CDH19: variants seen among roughly 807,000 people sequenced by gnomAD.
The protein encoded by CDH19 is cadherin-19.
CDH19 carries 67 observed loss-of-function variants against 64.2 expected under a neutral mutation model. That is an observed-to-expected ratio of 1.04 (90% CI 0.86 to 1.28). The LOEUF (loss-of-function observed/expected upper bound fraction) is 1.28. Among genes scored for constraint, CDH19 ranks in the 50% most tolerant of loss-of-function variants. CDH19 has a pLI of 0.00. For synonymous variants in CDH19, 346 were observed against 319.3 expected, an observed-to-expected ratio of 1.08 and a Z score of -0.89; for missense variants, 1,030 against 929.0, an observed-to-expected ratio of 1.11 and a Z score of -1.41.
chr18:66,561,439 T>C (rs1400748896), intron 3 of CDH19, among the ~76,000 whole-genome samples: 1 of 152,102 alleles, frequency 6.6e-6, no homozygotes, highest in African/African-American at 2.4e-5. Flanking sequence ...GTATATTGAA[T>C]TGCCACAGCC....
intron 3 of CDH19, among the ~76,000 whole-genome samples, chr18:66,556,614 A>G (rs1987530133): frequency 6.6e-6 from 1 of 151,856 alleles, no homozygotes; most frequent in South Asian, 2.1e-4. Flanking sequence ...CTTTGATGAG[A>G]CTTAATAATA....
At chr18:66,533,206 GATTT>G (rs762146451) in intron 8 of CDH19, among the ~76,000 whole-genome samples, 4 of 113,944 alleles carry the variant, frequency 3.5e-5, no homozygotes, top group Non-Finnish European at 5.4e-5. Context: ...AAATTTCTAG[GATTT>G]ATTACACACA....
At chr18:66,557,669 C>A (rs987424359) in intron 3 of CDH19, among the ~76,000 whole-genome samples, 1 of 151,832 alleles carries the variant, frequency 6.6e-6, no homozygotes, top group Non-Finnish European at 1.5e-5. Context: ...GAAATGCTTA[C>A]TTTTTGGTAA....
chr18:66,536,122 A>G (rs1029242095), intron 7 of CDH19, among the ~76,000 whole-genome samples: 1 of 151,276 alleles, frequency 6.6e-6, no homozygotes, highest in Admixed American at 6.6e-5. Flanking sequence ...AACAATTAAT[A>G]ATAAAAATTA....
chr18:66,541,198 T>C (rs910968753), intron 7 of CDH19, among the ~76,000 whole-genome samples: 1 of 152,110 alleles, frequency 6.6e-6, no homozygotes, highest in East Asian at 1.9e-4. Context: ...GGAATTTCCA[T>C]GCTTTACAGA....
intron 11 of CDH19, among the ~76,000 whole-genome samples, chr18:66,507,378 G>A (rs1210651979): frequency 6.6e-6 from 1 of 151,886 alleles, no homozygotes; most frequent in African/African-American, 2.4e-5. Context: ...GCCAGTTTGA[G>A]TGGTCAGTTT....
intron 9 of CDH19, among the ~76,000 whole-genome samples, chr18:66,514,088 C>T (rs1389568394): frequency 6.6e-6 from 1 of 151,350 alleles, no homozygotes; most frequent in Non-Finnish European, 1.5e-5. Context: ...TATTATTGTT[C>T]CCATGTTATA....
intron 1 of CDH19, among the ~76,000 whole-genome samples, chr18:66,588,122 C>A (rs1988629823): frequency 6.6e-6 from 1 of 152,106 alleles, no homozygotes; most frequent in African/African-American, 2.4e-5. Flanking sequence ...TTATCTGGAT[C>A]CTCCAGTCAC....
chr18:66,533,232 AC>A (rs1284161516), intron 8 of CDH19, among the ~76,000 whole-genome samples: 2 of 151,888 alleles, frequency 1.3e-5, no homozygotes, highest in Non-Finnish European at 2.9e-5. Flanking sequence ...ACACACACAC[AC>A]ACACACATCC....
intron 4 of CDH19, among the ~76,000 whole-genome samples, chr18:66,552,564 G>A (rs1987384339): frequency 1.0e-5 from 1 of 98,178 alleles, no homozygotes; most frequent in South Asian, 3.3e-4. Context: ...TCAGGGGAGA[G>A]GGACCTAGGA....
At chr18:66,570,625 G>T (rs1378336718) in intron 2 of CDH19, among the ~76,000 whole-genome samples, 2 of 151,582 alleles carry the variant, frequency 1.3e-5, no homozygotes, top group Non-Finnish European at 3.0e-5. Flanking sequence ...ATTCATTATT[G>T]TTCTTTTTGA....
At position 66,504,000 on chromosome 18, in the gene CDH19, C is replaced by G. The variant is rs553118509; in HGVS notation, c.*812G>C. On this transcript the variant is annotated 3_prime_UTR_variant, in exon 12 of 12. Coordinates refer to ENST00000262150, the MANE Select transcript of CDH19 (RefSeq NM_021153.4). ...TAACCACAAAAACATTTTATTCTTA[C>G]AGTGTGAAAGATGAAAATTGAGTAA... 6.6e-6 allele frequency: 1 copy of G among 152,022 alleles called. No individual in the cohort carries two copies. The highest frequency in any genetic ancestry group is 1.9e-4 in the East Asian group (1 of 5,158). The allele number at this position is 152,022 out of a possible 1,614,324, so 9.4% of individuals were successfully genotyped here.
At chr18:66,561,596 T>A (rs904907388) in intron 3 of CDH19, among the ~76,000 whole-genome samples, 18 of 152,086 alleles carry the variant, frequency 1.2e-4, no homozygotes, top group Non-Finnish European at 2.1e-4. Flanking sequence ...AAAATGCTTT[T>A]TGGGGGACCG....
Position 66,505,267 on chromosome 18 carries a change from T to C in CDH19, c.1864A>G (p.Arg622Gly), listed in dbSNP as rs775763894. 6.3e-7 allele frequency: 1 copy of C among 1,580,580 alleles called. No homozygotes were observed. The highest frequency in any genetic ancestry group is 8.6e-7 in the Non-Finnish European group (1 of 1,168,768). Residue 622 changes from arginine (R) to glycine (G), a missense_variant, in exon 12 of 12, where the codon AGA (arginine) becomes GGA (glycine). Arg to Gly is a moderately radical substitution (Grantham distance 125, BLOSUM62 -2). Transcript: ENST00000262150. ...IFLTLGLKQR[R>G]KQILFPEKSE... ...TTCTCAGGAAATAGAATCTGTTTTC[T>C]CCGTTGTTTTAAACCCAAAGTCAAA...
chr18:66,576,761 T>A (rs1437156323), intron 1 of CDH19, among the ~76,000 whole-genome samples: 2 of 151,490 alleles, frequency 1.3e-5, no homozygotes, highest in African/African-American at 2.4e-5. Flanking sequence ...AGCATCTAGA[T>A]TAAAAAGATA....
At chr18:66,519,287 T>C (rs1325427387) in intron 9 of CDH19, among the ~76,000 whole-genome samples, 3 of 152,194 alleles carry the variant, frequency 2.0e-5, no homozygotes, top group Non-Finnish European at 2.9e-5. Flanking sequence ...ATTGTCACTG[T>C]TAATATTAAC....
chr18:66,509,493 A>T (rs1985366810), intron 10 of CDH19, among the ~76,000 whole-genome samples: 1 of 151,812 alleles, frequency 6.6e-6, no homozygotes, highest in Non-Finnish European at 1.5e-5. Flanking sequence ...TTACTATTTA[A>T]TATTATTAAA....
intron 1 of CDH19, among the ~76,000 whole-genome samples, chr18:66,578,446 A>G (rs1029082214): frequency 6.6e-6 from 1 of 151,934 alleles, no homozygotes; most frequent in African/African-American, 2.4e-5. Flanking sequence ...CTCTTACTAG[A>G]ACGAATATAA....
In CDH19 at chr18:66,572,000, A is replaced by G. The variant is rs1177515639; in HGVS notation, c.195+10T>C. 6.3e-7 allele frequency: 1 copy of G among 1,586,134 alleles called. No individual in the cohort carries two copies. Among genetic ancestry groups the G allele is most frequent in the Non-Finnish European group, 8.6e-7 (1 of 1,160,280 alleles). ...TGCTATTTACTGTAACATTTTAAAT[A>G]AATAAGTACCTGGCCGATGTGATGA... On this transcript the variant is annotated intron_variant, in intron 2 of 11. Transcript: ENST00000262150.
Sources: allele counts gnomAD v4.1 joint callset (sites outside exome capture counted in the v4.1 genomes callset), GRCh38; gene constraint gnomAD v4.1.1; transcripts MANE v1.5; gene names NCBI Gene and HGNC (gene_info 2026-07-23, HGNC 2026-07-21).